The following ZNF487 variants were observed in gnomAD, a reference collection of about 807,000 sequenced individuals.
The protein encoded by ZNF487 is KRAB domain only 1.
Under a neutral mutation model 3.0 loss-of-function variants are expected in ZNF487, and 4 were observed. That is an observed-to-expected ratio of 1.35 (90% CI 0.66 to 3.08). The LOEUF (loss-of-function observed/expected upper bound fraction) is 3.08. ZNF487 is among the 30% of genes most tolerant of loss of function. The pLI is 0.01. For missense variants in ZNF487, 146 were observed against 98.7 expected (o/e 1.48, Z -2.03); for synonymous variants, 55 against 34.6 (o/e 1.59, Z -2.06).
At chr10:43,469,877 G>A (rs888855015) in intron 1 of ZNF487, among the ~76,000 whole-genome samples, 6 of 151,888 alleles carry the variant, frequency 4.0e-5, no homozygotes, top group Non-Finnish European at 7.4e-5. Context: ...TTGAACCCAG[G>A]AGGCAGAGGT....
chr10:43,486,988 C>A (rs1253455419), downstream of ZNF487, among the ~76,000 whole-genome samples: 2 of 152,156 alleles, frequency 1.3e-5, no homozygotes, highest in African/African-American at 4.8e-5. Flanking sequence ...AATCTAATCT[C>A]AACAACAAAC....
the ZNF487 span, among the ~76,000 whole-genome samples, chr10:43,506,539 C>T: frequency 5.9e-5 from 9 of 152,108 alleles, no homozygotes; most frequent in Non-Finnish European, 1.2e-4. Flanking sequence ...AAATTCCAGG[C>T]ACAGTTCCTG....
At chr10:43,495,560 A>C in the ZNF487 span, among the ~76,000 whole-genome samples, 2 of 152,086 alleles carry the variant, frequency 1.3e-5, no homozygotes, top group African/African-American at 4.8e-5. Flanking sequence ...TACATTATTG[A>C]TGTGTGAGGA....
intron 1 of ZNF487, among the ~76,000 whole-genome samples, chr10:43,463,530 ACT>A (rs1254508688): frequency 6.6e-6 from 1 of 151,234 alleles, no homozygotes; most frequent in African/African-American, 2.4e-5. Flanking sequence ...AGAGTGAAAC[ACT>A]GTCTCGAAAA....
In ZNF487 at chr10:43,475,760, CAGG is replaced by C. The variant is rs989246549; in HGVS notation, c.-48_-46del. 3.8e-6 allele frequency: 3 copies of C among 780,764 alleles called. No individual in the cohort carries two copies. The highest frequency in any genetic ancestry group is 3.4e-5 in the African/African-American group (2 of 59,106). 48.4% of individuals were successfully genotyped at this position (780,764 alleles called of 1,614,324 possible). Reference sequence around the variant, plus strand: ...CAGTGATGTGGCTGTGGGCTTCACCCAGGAGGAGTGGCAGCATCTGGACTCTGC... The same window carrying C: ...CAGTGATGTGGCTGTGGGCTTCACCCAGGAGTGGCAGCATCTGGACTCTGC... On this transcript the variant is annotated 5_prime_UTR_variant, in exon 2 of 4. Coordinates refer to ENST00000437590, the MANE Select transcript of ZNF487 (RefSeq NM_001355444.3).
chr10:43,468,679 CAAAAA>C (rs71016773), intron 1 of ZNF487, among the ~76,000 whole-genome samples: 3,735 of 35,748 alleles, frequency 0.1, 66 homozygotes, highest in South Asian at 0.3. Context: ...AACTCTGTCT[CAAAAA>C]AAAAAAAAAA....
At chr10:43,448,107 A>G (rs1193113484) in intron 1 of ZNF487, among the ~76,000 whole-genome samples, 1 of 146,656 alleles carries the variant, frequency 6.8e-6, no homozygotes, top group Non-Finnish European at 1.5e-5. Flanking sequence ...CTCCTGCCTC[A>G]GCCTCCGGAG....
chr10:43,519,584 C>G, the ZNF487 span, among the ~76,000 whole-genome samples: 2 of 151,966 alleles, frequency 1.3e-5, no homozygotes, highest in Non-Finnish European at 2.9e-5. Flanking sequence ...TCTTCTGCCT[C>G]AGCCTCCCAA....
chr10:43,462,725 A>G (rs1369561798), intron 1 of ZNF487, among the ~76,000 whole-genome samples: 1 of 148,830 alleles, frequency 6.7e-6, no homozygotes, highest in Non-Finnish European at 1.5e-5. Flanking sequence ...AAGTGCTGGG[A>G]TTACAGGCAT....
the ZNF487 span, among the ~76,000 whole-genome samples, chr10:43,491,488 G>A: frequency 6.6e-6 from 1 of 151,528 alleles, no homozygotes; most frequent in African/African-American, 2.4e-5. Flanking sequence ...GCAGTCCTCA[G>A]CTTCATTACG....
At chr10:43,465,446 G>A (rs1214614760) in intron 1 of ZNF487, among the ~76,000 whole-genome samples, 3 of 151,388 alleles carry the variant, frequency 2.0e-5, no homozygotes, top group African/African-American at 4.9e-5. Flanking sequence ...CAGCTGCCGG[G>A]CAGAGGGTCT....
intron 1 of ZNF487, among the ~76,000 whole-genome samples, chr10:43,440,907 C>T (rs890823873): frequency 2.6e-5 from 4 of 151,778 alleles, no homozygotes; most frequent in Admixed American, 6.6e-5. Flanking sequence ...CACTGTGTTG[C>T]CTAGGCTGGA....
At position 43,482,318 on chromosome 10, in the gene ZNF487, G is replaced by GA. The variant is rs113268223; in HGVS notation, c.*401dup. 3.6e-3 allele frequency: 1,480 copies of GA among 416,472 alleles called. 17 individuals are homozygous for GA. The highest frequency in any genetic ancestry group is 0.027 in the African/African-American group (1,326 of 48,264). 25.8% of individuals were successfully genotyped at this position (416,472 alleles called of 1,614,324 possible). On this transcript the variant is annotated 3_prime_UTR_variant, in exon 4 of 4. Coordinates refer to ENST00000437590, the MANE Select transcript of ZNF487 (RefSeq NM_001355444.3). ...TGTATATCAGAAAACAGATACAGAA[G>GA]AAAAACTCTATGAATGTAGTGAATG... is the stretch of plus-strand genomic sequence containing the variant.
At chr10:43,465,234 G>T (rs929785925) in intron 1 of ZNF487, among the ~76,000 whole-genome samples, 27 of 149,646 alleles carry the variant, frequency 1.8e-4, no homozygotes, top group Admixed American at 1.4e-3. Context: ...CTGGCTGGGT[G>T]GGGGGCTGAT....
At chr10:43,440,027 G>A (rs1254667660) in intron 1 of ZNF487, among the ~76,000 whole-genome samples, 1 of 148,770 alleles carries the variant, frequency 6.7e-6, no homozygotes, top group Non-Finnish European at 1.5e-5. Context: ...AAGGTTAATT[G>A]GTAAGTTTTG....
chr10:43,508,418 G>A, the ZNF487 span, among the ~76,000 whole-genome samples: 12 of 152,152 alleles, frequency 7.9e-5, no homozygotes, highest in African/African-American at 1.9e-4. Context: ...AAAATGTACC[G>A]TGGTGGACAT....
At chr10:43,456,108 G>A (rs1268957762) in intron 1 of ZNF487, among the ~76,000 whole-genome samples, 3 of 152,196 alleles carry the variant, frequency 2.0e-5, no homozygotes, top group East Asian at 1.9e-4. Context: ...GGAGGGCTGC[G>A]GGCCTCGTCT....
At chr10:43,498,797 C>A in the ZNF487 span, among the ~76,000 whole-genome samples, 1 of 151,794 alleles carries the variant, frequency 6.6e-6, no homozygotes, top group African/African-American at 2.4e-5. Context: ...AAAAAATTAG[C>A]CGGGCGTAGT....
intron 1 of ZNF487, among the ~76,000 whole-genome samples, chr10:43,448,356 C>G (rs986176383): frequency 6.6e-6 from 1 of 151,932 alleles, no homozygotes; most frequent in Non-Finnish European, 1.5e-5. Context: ...TAACCTGGTC[C>G]CTGTTACTCA....
Sources: gnomAD v4.1 joint callset for allele counts (sites outside exome capture counted in the v4.1 genomes callset) on GRCh38, gnomAD v4.1.1 for gene constraint, MANE v1.5 for transcripts, NCBI Gene and HGNC (gene_info 2026-07-23, HGNC 2026-07-21) for gene names.